The following SMAP2 variants were observed in gnomAD, a reference collection of about 807,000 sequenced individuals.
SMAP2 encodes small ArfGAP2.
Under a neutral mutation model 56.4 loss-of-function variants are expected in SMAP2, and 25 were observed. The ratio of observed to expected loss-of-function variants is 0.44; its 90% CI spans 0.32 to 0.62. The LOEUF is 0.62. Ranked by LOEUF, SMAP2 falls within the 20% of genes least tolerant of loss-of-function variation. The probability of loss-of-function intolerance (pLI) is 0.04; values close to 1 mark genes in which losing one functional copy is unlikely to be tolerated. For missense variants in SMAP2, 388 were observed against 545.6 expected (o/e 0.71, Z 2.88); for synonymous variants, 157 against 181.7 (o/e 0.86, Z 1.09).
rs1222511502 is a variant in SMAP2 at position 40,385,186 on chromosome 1, C to T, written c.103+10963C>T. Among the ~76,000 whole-genome samples, 5 of 152,154 alleles carry T rather than the reference C, an allele frequency of 3.3e-5. No homozygotes were observed. Among genetic ancestry groups the T allele is most frequent in the Non-Finnish European group, 7.3e-5 (5 of 68,030 alleles). ...TCCCTCATGTGTGGCTGAAGCTTGCCCTGGAATCCCACCTTTGTAGCATGT... is the reference window on the plus strand; with the variant it reads ...TCCCTCATGTGTGGCTGAAGCTTGCTCTGGAATCCCACCTTTGTAGCATGT... On this transcript the variant is annotated intron_variant, in intron 1 of 9. Transcript: ENST00000372718. This position sits in a 1 kb window ranked among gnomAD's most constrained non-coding sequence, Gnocchi z 4.5.
At chr1:40,361,436 G>A (rs1644459468) in intron 1 of SMAP2, among the ~76,000 whole-genome samples, 1 of 152,162 alleles carries the variant, frequency 6.6e-6, no homozygotes, top group African/African-American at 2.4e-5. Flanking sequence ...GTGGCTGCAG[G>A]AATGGACTCC....
intron 1 of SMAP2, among the ~76,000 whole-genome samples, chr1:40,391,864 G>A (rs1021059898): frequency 3.3e-5 from 5 of 152,156 alleles, no homozygotes; most frequent in Non-Finnish European, 5.9e-5. Context: ...TTAAACTGAA[G>A]TAACCTAAAA....
chr1:40,407,808 A>T (rs1207619012), intron 2 of SMAP2, among the ~76,000 whole-genome samples: 2 of 152,206 alleles, frequency 1.3e-5, no homozygotes, highest in Non-Finnish European at 2.9e-5. Context: ...AAAAAGCTGT[A>T]ACAGCTGGAA....
intron 1 of SMAP2, among the ~76,000 whole-genome samples, chr1:40,405,298 G>A (rs1644875184): frequency 6.6e-6 from 1 of 152,040 alleles, no homozygotes; most frequent in Non-Finnish European, 1.5e-5. Flanking sequence ...AGACCAGCCT[G>A]GGCAACATAG....
At chr1:40,389,468 GT>G (rs1208235527) in intron 1 of SMAP2, among the ~76,000 whole-genome samples, 1 of 143,224 alleles carries the variant, frequency 7.0e-6, no homozygotes, top group Non-Finnish European at 1.5e-5. Flanking sequence ...CATATGCTTT[GT>G]TTTGTTTTTT....
chr1:40,403,462 G>A (rs764892595), intron 1 of SMAP2, among the ~76,000 whole-genome samples: 6 of 152,206 alleles, frequency 3.9e-5, no homozygotes, highest in Admixed American at 2.6e-4. Flanking sequence ...CCAAAATCAC[G>A]CCGCTGCACT....
intron 9 of SMAP2, 23 bp downstream of exon 9, chr1:40,417,119 C>G: frequency 1.3e-6 from 2 of 1,567,550 alleles, no homozygotes; most frequent in Non-Finnish European, 8.7e-7. Flanking sequence ...ATTTTACTTG[C>G]AGCAAGAGTT....
intron 1 of SMAP2, among the ~76,000 whole-genome samples, chr1:40,360,064 T>A (rs1190051051): frequency 7.3e-6 from 1 of 137,006 alleles, no homozygotes; most frequent in African/African-American, 2.8e-5. Context: ...TGGAGTGCAG[T>A]GGTGCGATCT....
rs199535458 is a variant in SMAP2 at position 40,374,599 on chromosome 1, G to GCT, written c.103+376_103+377insCT. On this transcript the variant is annotated intron_variant, in intron 1 of 9. Coordinates refer to ENST00000372718, the MANE Select transcript of SMAP2 (RefSeq NM_022733.3). The surrounding 1 kb of genome is among the most constrained non-coding windows in gnomAD (Gnocchi z 5.9). ...GCATTGCGTGCGTGCGTGCGTGCGT[G>GCT]TGTGTGTGTGTGTGTGTGTGTGTGT... is the stretch of plus-strand genomic sequence containing the variant. 2 of 805,994 alleles carry GCT rather than the reference G, an allele frequency of 2.5e-6. No homozygotes were observed. The highest frequency in any genetic ancestry group is 1.1e-4 in the East Asian group (2 of 17,662). The allele number at this position is 805,994 out of a possible 1,614,324, so 49.9% of individuals were successfully genotyped here. A position where few individuals can be genotyped will look rare whatever the true frequency, so the allele number is the denominator to read the frequency against.
chr1:40,415,439 T>A, intron 7 of SMAP2, 58 bp downstream of exon 7: 1 of 1,160,182 alleles, frequency 8.6e-7, no homozygotes, highest in Non-Finnish European at 1.3e-6. Flanking sequence ...GATTTTGATA[T>A]CTTAATCATG....
chr1:40,355,452 T>C (rs1452734073), intron 1 of SMAP2, among the ~76,000 whole-genome samples: 2 of 152,198 alleles, frequency 1.3e-5, no homozygotes, highest in Admixed American at 1.3e-4. Context: ...ACTTATGGGG[T>C]ACATGAGATA....
At chr1:40,415,763 A>G (rs894242688) in intron 7 of SMAP2, among the ~76,000 whole-genome samples, 5 of 152,280 alleles carry the variant, frequency 3.3e-5, no homozygotes, top group South Asian at 2.1e-4. Flanking sequence ...TGGTTTTTGT[A>G]TATCATTTTG....
rs760764015 is a variant in SMAP2 at position 40,408,607 on chromosome 1, T to A, written c.238-46T>A. On this transcript the variant is annotated intron_variant, in intron 2 of 9. Transcript: ENST00000372718. This position sits in a 1 kb window ranked among gnomAD's most constrained non-coding sequence, Gnocchi z 4.3. Reference sequence around the variant, plus strand: ...AATTGGGTGAGAAGTTTTTCAGTTCTTTCTTGATCTGACGTTCCATGTTTC... The same window carrying A: ...AATTGGGTGAGAAGTTTTTCAGTTCATTCTTGATCTGACGTTCCATGTTTC... 3 of 1,542,850 alleles carry A rather than the reference T, an allele frequency of 1.9e-6. No individual in the cohort carries two copies. Among genetic ancestry groups the A allele is most frequent in the Non-Finnish European group, 2.7e-6 (3 of 1,116,278 alleles).
rs188272702 is a variant in SMAP2, at chr1:40,403,461, C to T, written c.104-3275C>T. On this transcript the variant is annotated intron_variant, in intron 1 of 9. Transcript: ENST00000372718. ...CGGAGGTTGCAGTGAGCCAAAATCACGCCGCTGCACTCCAGCCTGGACGAC... is the reference window on the plus strand; with the variant it reads ...CGGAGGTTGCAGTGAGCCAAAATCATGCCGCTGCACTCCAGCCTGGACGAC... Among the ~76,000 whole-genome samples, 34 of 152,198 alleles carry T rather than the reference C, an allele frequency of 2.2e-4. No homozygotes were observed. In the East Asian group the frequency reaches 4.1e-3, roughly 18 times the overall value.
At chr1:40,350,250 G>T (rs771860900) in intron 1 of SMAP2, among the ~76,000 whole-genome samples, 1 of 152,174 alleles carries the variant, frequency 6.6e-6, no homozygotes, top group Non-Finnish European at 1.5e-5. Flanking sequence ...TTCAGGAGGG[G>T]TCAGTAGAGT....
At chr1:40,417,256 G>A (rs547014041) in intron 9 of SMAP2, among the ~76,000 whole-genome samples, 160 bp downstream of exon 9, 1 of 146,346 alleles carries the variant, frequency 6.8e-6, no homozygotes, top group Non-Finnish European at 1.5e-5. Flanking sequence ...TTCCTAGAAG[G>A]TCTGTCTAAA....
At chr1:40,402,572 C>A (rs1045884767) in intron 1 of SMAP2, among the ~76,000 whole-genome samples, 1 of 152,040 alleles carries the variant, frequency 6.6e-6, no homozygotes, top group Non-Finnish European at 1.5e-5. Context: ...GCCTCAGCCT[C>A]CCCAGTAGCT....
intron 1 of SMAP2, among the ~76,000 whole-genome samples, chr1:40,346,874 G>T (rs943160411): frequency 2.0e-5 from 3 of 151,334 alleles, no homozygotes; most frequent in African/African-American, 7.3e-5. Flanking sequence ...AATTTTTTTA[G>T]AGACAAACTC....
intron 1 of SMAP2, chr1:40,375,958 A>G (rs1303840000): frequency 1.5e-5 from 3 of 200,618 alleles, no homozygotes; most frequent in Non-Finnish European, 2.7e-5. Context: ...TTTATTTTTT[A>G]TTTTTATTTT....
Sources: allele counts gnomAD v4.1 joint callset (sites outside exome capture counted in the v4.1 genomes callset), GRCh38; gene constraint gnomAD v4.1.1; non-coding constraint Gnocchi (gnomAD v3.1); transcripts MANE v1.5; gene names NCBI Gene and HGNC (gene_info 2026-07-23, HGNC 2026-07-21).